Variants in COLGALT2 observed in about 807,000 individuals in gnomAD.
COLGALT2 encodes procollagen galactosyltransferase 2.
Under a neutral mutation model 73.4 loss-of-function variants are expected in COLGALT2, and 49 were observed. The observed-to-expected ratio is 0.67, with a 90% CI of 0.53 to 0.85. COLGALT2 has a LOEUF of 0.85. Among genes scored for constraint, COLGALT2 ranks in the 40% least tolerant of loss-of-function variants. The pLI is 0.00. For synonymous variants in COLGALT2, 295 were observed against 307.6 expected, an observed-to-expected ratio of 0.96 and a Z score of 0.43; for missense variants, 722 against 790.2, an observed-to-expected ratio of 0.91 and a Z score of 1.03.
intron 3 of COLGALT2, among the ~76,000 whole-genome samples, chr1:183,974,888 C>A (rs1671145903): frequency 6.6e-6 from 1 of 152,214 alleles, no homozygotes; most frequent in Admixed American, 6.5e-5. Flanking sequence ...TTCACTTACC[C>A]ACTGAAAATG....
chr1:183,938,410 G>T lies in COLGALT2; in HGVS notation c.*351C>A. The T allele has an allele frequency of 4.6e-6, 5 of 1,080,802 alleles. No homozygotes were observed. Among genetic ancestry groups the T allele is most frequent in the Non-Finnish European group, 5.6e-6 (5 of 889,640 alleles). The allele number at this position is 1,080,802 out of a possible 1,614,324, so 67.0% of individuals were successfully genotyped here. On this transcript the variant is annotated 3_prime_UTR_variant, in exon 12 of 12. Coordinates refer to ENST00000361927, the MANE Select transcript of COLGALT2 (RefSeq NM_015101.4). ...ACATATTTGCTGATGTGACAGCTCG[G>T]TGATCACTTTCTCTTGAACAAGACT... is the stretch of plus-strand genomic sequence containing the variant.
intron 5 of COLGALT2, among the ~76,000 whole-genome samples, chr1:183,965,832 C>G (rs1187941090): frequency 6.6e-6 from 1 of 152,126 alleles, no homozygotes; most frequent in African/African-American, 2.4e-5. Flanking sequence ...AATGACCAAG[C>G]TTGGAGTTAG....
intron 9 of COLGALT2, among the ~76,000 whole-genome samples, 161 bp from the exon 10 acceptor site, chr1:183,944,484 TA>T (rs1299954075): frequency 6.6e-6 from 1 of 152,228 alleles, no homozygotes; most frequent in Non-Finnish European, 1.5e-5. Context: ...AACTTTGGAA[TA>T]TTCACAGCAG....
Position 183,936,993 on chromosome 1 carries a change from C to T in COLGALT2, c.*1768G>A. On this transcript the variant is annotated 3_prime_UTR_variant, in exon 12 of 12. Coordinates refer to ENST00000361927, the MANE Select transcript of COLGALT2 (RefSeq NM_015101.4). ...GACTACCTATTTGGTGATGAGACAG[C>T]TTGGTGATCACTTTCTCTAGACTCT... 4 of 1,231,758 alleles carry T rather than the reference C, an allele frequency of 3.2e-6. No homozygotes were observed. Among genetic ancestry groups the T allele is most frequent in the Non-Finnish European group, 4.0e-6 (4 of 987,996 alleles). The allele number at this position is 1,231,758 out of a possible 1,614,324, so 76.3% of individuals were successfully genotyped here.
intron 1 of COLGALT2, among the ~76,000 whole-genome samples, chr1:184,007,256 T>G (rs566615600): frequency 6.6e-6 from 1 of 152,252 alleles, no homozygotes; most frequent in African/African-American, 2.4e-5. Flanking sequence ...TTCTGGAGAG[T>G]TGGACTCTGC....
chr1:184,001,640 C>A (rs1022313548), intron 1 of COLGALT2, among the ~76,000 whole-genome samples: 1 of 152,136 alleles, frequency 6.6e-6, no homozygotes, highest in African/African-American at 2.4e-5. Context: ...CTAGAGATGA[C>A]TAATATATCC....
chr1:183,988,310 T>G (rs1671541033), intron 1 of COLGALT2, among the ~76,000 whole-genome samples: 1 of 152,234 alleles, frequency 6.6e-6, no homozygotes. Context: ...GCGCAGCAAC[T>G]AAGACATGAT....
intron 1 of COLGALT2, among the ~76,000 whole-genome samples, chr1:184,011,293 A>G (rs1462634828): frequency 6.6e-6 from 1 of 152,186 alleles, no homozygotes; most frequent in East Asian, 1.9e-4. Flanking sequence ...ATTTAATGAA[A>G]GCTGGAATTG....
chr1:184,006,602 A>AAATAATAATAAT (rs10691791), intron 1 of COLGALT2, among the ~76,000 whole-genome samples: 1 of 148,230 alleles, frequency 6.7e-6, no homozygotes, highest in Non-Finnish European at 1.5e-5. Flanking sequence ...AATAAAAATA[A>AAATAATAATAAT]AATAATAATA....
chr1:183,936,196 C>T lies in COLGALT2; in HGVS notation c.*2565G>A, dbSNP rs538029396. On this transcript the variant is annotated 3_prime_UTR_variant, in exon 12 of 12. Coordinates refer to ENST00000361927, the MANE Select transcript of COLGALT2 (RefSeq NM_015101.4). ...AAAGGCCTCTATACTGACGCCCTCACATGACACTGCAAAGGTCAAATGTCA... is the reference window on the plus strand; with the variant it reads ...AAAGGCCTCTATACTGACGCCCTCATATGACACTGCAAAGGTCAAATGTCA... The T allele has an allele frequency of 1.0e-6, 1 of 985,512 alleles. No homozygotes were observed. Among genetic ancestry groups the T allele is most frequent in the Non-Finnish European group, 1.2e-6 (1 of 829,996 alleles). The allele number at this position is 985,512 out of a possible 1,614,324, so 61.0% of individuals were successfully genotyped here. A position where few individuals can be genotyped will look rare whatever the true frequency, so the allele number is the denominator to read the frequency against.
chr1:183,945,497 A>T lies in COLGALT2; in HGVS notation c.1204T>A (p.Ser402Thr). 1.2e-6 allele frequency: 2 copies of T among 1,614,158 alleles called. No homozygotes were observed. The part of the protein sequence containing the change: ...EMLPGYRDPY[S>T]SRPLTRGEIG... ...TCACCCCTTGTTAGAGGCCTGGAGG[A>T]ATAGGGATCTCGATAGCCAGGCAGC... The change falls in exon 9 of 12, where the codon TCC (serine) becomes ACC (threonine). Residue 402 changes from serine (S) to threonine (T), a missense_variant. Ser to Thr is a moderately conservative substitution (Grantham distance 58). Transcript: ENST00000361927.
chr1:184,018,582 T>C (rs926360624), intron 1 of COLGALT2, among the ~76,000 whole-genome samples: 1 of 152,212 alleles, frequency 6.6e-6, no homozygotes, highest in Admixed American at 6.5e-5. Flanking sequence ...AATTTTTTCA[T>C]TGCTAATAAA....
intron 1 of COLGALT2, among the ~76,000 whole-genome samples, chr1:184,017,280 A>G (rs935612793): frequency 2.0e-5 from 3 of 152,244 alleles, no homozygotes; most frequent in Non-Finnish European, 4.4e-5. Flanking sequence ...TCACTTCATT[A>G]TCAAGTATGT....
At chr1:184,010,261 G>A (rs1167940931) in intron 1 of COLGALT2, among the ~76,000 whole-genome samples, 1 of 152,206 alleles carries the variant, frequency 6.6e-6, no homozygotes, top group African/African-American at 2.4e-5. Context: ...TAAAGAGAAG[G>A]CAGAAATCCA....
intron 1 of COLGALT2, among the ~76,000 whole-genome samples, chr1:184,024,655 C>CTTTTTT (rs35844838): frequency 2.3e-5 from 3 of 128,296 alleles, no homozygotes; most frequent in East Asian, 2.3e-4. Flanking sequence ...CCAGCCTCAG[C>CTTTTTT]TTTTTTTTTT....
chr1:184,002,563 A>T (rs1290171726), intron 1 of COLGALT2, among the ~76,000 whole-genome samples: 1 of 152,268 alleles, frequency 6.6e-6, no homozygotes, highest in African/African-American at 2.4e-5. Flanking sequence ...ATCTTTGTAT[A>T]CACAATTCAG....
At chr1:183,962,138 T>TC in intron 6 of COLGALT2, among the ~76,000 whole-genome samples, 3 of 148,310 alleles carry the variant, frequency 2.0e-5, no homozygotes, top group African/African-American at 7.6e-5. Flanking sequence ...TTTTCTTTTC[T>TC]TTTCTTTTTC....
In COLGALT2 at chr1:183,969,446, C is replaced by A; in HGVS notation, c.655G>T (p.Val219Phe). ...GTCCTCTTCCATTCTCGAATCTGAA[C>A]GTAGTCTGGGGTCCTCTTATAGAAG... Reference protein sequence around the residue: ...KGFYKRTPDYVQIREWKRTGC... With the variant: ...KGFYKRTPDYFQIREWKRTGC... The change falls in exon 5 of 12, where the codon GTT becomes TTT. Residue 219 changes from valine to phenylalanine, a missense_variant. Coordinates refer to ENST00000361927, the MANE Select transcript of COLGALT2 (RefSeq NM_015101.4). 1 of 1,612,880 alleles carries A rather than the reference C, an allele frequency of 6.2e-7. No individual in the cohort carries two copies. The highest frequency in any genetic ancestry group is 8.5e-7 in the Non-Finnish European group (1 of 1,179,382).
chr1:183,959,714 C>A (rs893241175), intron 6 of COLGALT2, among the ~76,000 whole-genome samples: 1 of 152,060 alleles, frequency 6.6e-6, no homozygotes, highest in African/African-American at 2.4e-5. Context: ...TCAGGCCATG[C>A]CCCCTCTGCC....
Sources: allele counts gnomAD v4.1 joint callset (sites outside exome capture counted in the v4.1 genomes callset), GRCh38; gene constraint gnomAD v4.1.1; transcripts MANE v1.5; gene names NCBI Gene and HGNC (gene_info 2026-07-23, HGNC 2026-07-21).